RABGAP1: variants seen among roughly 807,000 people sequenced by gnomAD.
RABGAP1 encodes the protein RAB GTPase activating protein 1, also known as rab GTPase-activating protein 1.
RABGAP1 carries 23 observed loss-of-function variants against 137.6 expected under a neutral mutation model. The ratio of observed to expected loss-of-function variants is 0.17; its 90% CI spans 0.12 to 0.24. RABGAP1 has a LOEUF of 0.24. Among genes scored for constraint, RABGAP1 ranks in the 10% least tolerant of loss-of-function variants. RABGAP1 has a pLI of 1.00. For synonymous variants in RABGAP1, 451 were observed against 450.7 expected (o/e 1.00, Z -0.01); for missense variants, 906 against 1,275.8 (o/e 0.71, Z 4.42).
At chr9:122,967,482 A>G (rs529687293) in intron 2 of RABGAP1, among the ~76,000 whole-genome samples, 42 of 152,320 alleles carry the variant, frequency 2.8e-4, no homozygotes, top group Middle Eastern at 3.4e-3. Context: ...ATTAGGGAAA[A>G]GAGTCTCCTG....
intron 19 of RABGAP1, among the ~76,000 whole-genome samples, chr9:123,083,097 G>T (rs2132185830): frequency 6.6e-6 from 1 of 152,286 alleles, no homozygotes; most frequent in East Asian, 1.9e-4. Flanking sequence ...ATAGAGAATT[G>T]ATGTAAACTC....
At chr9:123,035,133 C>G in intron 13 of RABGAP1, 1 of 1,613,954 alleles carries the variant, frequency 6.2e-7, no homozygotes, top group Non-Finnish European at 8.5e-7. Flanking sequence ...ACACCGACTC[C>G]TACTTCACCC....
At chr9:122,951,944 CACTT>C (rs958911482) in intron 1 of RABGAP1, among the ~76,000 whole-genome samples, 2 of 152,256 alleles carry the variant, frequency 1.3e-5, no homozygotes, top group East Asian at 1.9e-4. Context: ...ATAGAATTGG[CACTT>C]ACGGCACAGA....
chr9:123,041,179 G>GT (rs2032934208), intron 13 of RABGAP1, among the ~76,000 whole-genome samples: 1 of 152,186 alleles, frequency 6.6e-6, no homozygotes, highest in African/African-American at 2.4e-5. Flanking sequence ...TTCCAACACT[G>GT]TAAGAGCTAG....
intron 17 of RABGAP1, 75 bp from the exon 18 acceptor site, chr9:123,076,170 T>C: frequency 7.1e-7 from 1 of 1,406,376 alleles, no homozygotes; most frequent in Non-Finnish European, 9.8e-7. Context: ...TTTAAAAATG[T>C]GGGGTATAAG....
intron 2 of RABGAP1, among the ~76,000 whole-genome samples, chr9:122,964,931 G>C (rs1352155840): frequency 6.6e-6 from 1 of 152,174 alleles, no homozygotes; most frequent in East Asian, 1.9e-4. Flanking sequence ...GAGAGGTCAA[G>C]GCTGCAGTGC....
intron 19 of RABGAP1, among the ~76,000 whole-genome samples, chr9:123,084,645 C>T (rs1335215936): frequency 6.6e-6 from 1 of 152,194 alleles, no homozygotes; most frequent in South Asian, 2.1e-4. Flanking sequence ...GTTTGCAGCA[C>T]ATGTTCAGAG....
In RABGAP1 at chr9:122,986,254, A is replaced by G. The variant is rs759503818; in HGVS notation, c.425A>G (p.Glu142Gly). ...AGTCCTTTCACACCAGTGGCCGATG[A>G]GGACAGCGTAGTTTTCAGTAAACTG... ...ASSPFTPVAD[E>G]DSVVFSKLTY... is the part of the protein sequence containing the mutation. Residue 142 changes from glutamate to glycine, a missense_variant, in exon 4 of 26, where the codon GAG (glutamate) becomes GGG (glycine). Glu to Gly is a moderately conservative substitution (Grantham distance 98). Around this residue, in one of 9 missense-constraint regions of RABGAP1, gnomAD observed 331 missense variants for 358.3 expected, o/e 0.92. Coordinates refer to ENST00000373647, the MANE Select transcript of RABGAP1 (RefSeq NM_012197.4). 76 of 1,614,058 alleles carry G rather than the reference A, an allele frequency of 4.7e-5. No homozygotes were observed. Among genetic ancestry groups the G allele is most frequent in the Non-Finnish European group, 5.6e-5 (66 of 1,180,020 alleles).
At chr9:122,933,123 T>C in the RABGAP1 span, among the ~76,000 whole-genome samples, 5 of 152,190 alleles carry the variant, frequency 3.3e-5, no homozygotes, top group African/African-American at 1.2e-4. Context: ...TTCCTCTATT[T>C]CCTCACTTAT....
intron 13 of RABGAP1, among the ~76,000 whole-genome samples, chr9:123,058,050 A>AGGGGAGAGGGGAGAG (rs1554725437): frequency 1.6e-4 from 22 of 136,836 alleles, no homozygotes; most frequent in Non-Finnish European, 3.2e-4. Context: ...GTGGAAAGAG[A>AGGGGAGAGGGGAGAG]GGGGAGAGGG....
At chr9:122,979,841 A>G (rs1453954388) in intron 2 of RABGAP1, among the ~76,000 whole-genome samples, 1 of 152,200 alleles carries the variant, frequency 6.6e-6, no homozygotes, top group Non-Finnish European at 1.5e-5. Context: ...CAATACCACA[A>G]TGTCTTCATT....
At chr9:123,067,264 G>A (rs2034206782) in intron 14 of RABGAP1, among the ~76,000 whole-genome samples, 1 of 152,182 alleles carries the variant, frequency 6.6e-6, no homozygotes, top group African/African-American at 2.4e-5. Flanking sequence ...AGATATGACT[G>A]ATGTCTCTCT....
chr9:122,951,530 C>T (rs975281431), intron 1 of RABGAP1, among the ~76,000 whole-genome samples: 1 of 151,872 alleles, frequency 6.6e-6, no homozygotes, highest in Non-Finnish European at 1.5e-5. Context: ...CCATTTCACT[C>T]TGTTAACTAC....
intron 14 of RABGAP1, among the ~76,000 whole-genome samples, chr9:123,068,884 A>G (rs2034267443): frequency 6.6e-6 from 1 of 152,254 alleles, no homozygotes; most frequent in South Asian, 2.1e-4. Flanking sequence ...TATATATTCT[A>G]AACATACCCA....
At chr9:122,997,943 A>G (rs1223321967) in intron 9 of RABGAP1, among the ~76,000 whole-genome samples, 1 of 152,222 alleles carries the variant, frequency 6.6e-6, no homozygotes, top group African/African-American at 2.4e-5. Flanking sequence ...AAATAGTTAA[A>G]GGATGTAAAC....
chr9:123,041,064 A>G (rs914649047), intron 13 of RABGAP1, among the ~76,000 whole-genome samples: 1 of 152,214 alleles, frequency 6.6e-6, no homozygotes, highest in African/African-American at 2.4e-5. Flanking sequence ...GGGTGGGCAC[A>G]TGTGTATGTG....
chr9:122,995,690 T>A (rs1836986940), intron 6 of RABGAP1, among the ~76,000 whole-genome samples: 1 of 150,102 alleles, frequency 6.7e-6, no homozygotes. Flanking sequence ...TGCCTCAGCC[T>A]CCCGAATAGC....
Position 122,957,202 on chromosome 9 carries a change from G to A in RABGAP1, c.143G>A (p.Gly48Glu). The change falls in exon 2 of 26, where the codon GGA becomes GAA. Residue 48 changes from glycine to glutamate, a missense_variant. Around this residue, in one of 9 missense-constraint regions of RABGAP1, gnomAD observed 331 missense variants for 358.3 expected, o/e 0.92. Coordinates refer to ENST00000373647, the MANE Select transcript of RABGAP1 (RefSeq NM_012197.4). ...TNNGSDDEKT[G>E]LKIVGNGSEQ... ...AATGGAAGTGATGATGAGAAAACAG[G>A]ACTCAAGGTAAAACTCCCTAACCTA... 4.6e-6 allele frequency: 7 copies of A among 1,527,830 alleles called. No individual in the cohort carries two copies. The highest frequency in any genetic ancestry group is 6.2e-6 in the Non-Finnish European group (7 of 1,122,020). The allele number at this position is 1,527,830 out of a possible 1,614,324, so 94.6% of individuals were successfully genotyped here.
intron 13 of RABGAP1, among the ~76,000 whole-genome samples, chr9:123,057,639 C>G (rs952528069): frequency 1.3e-5 from 2 of 152,206 alleles, no homozygotes; most frequent in African/African-American, 4.8e-5. Context: ...CTCCTCACTT[C>G]CCAGACAGGG....
Sources: gnomAD v4.1 joint callset for allele counts (sites outside exome capture counted in the v4.1 genomes callset) on GRCh38, gnomAD v4.1.1 for gene constraint, gnomAD v4.1.1 regional missense constraint, MANE v1.5 for transcripts, NCBI Gene and HGNC (gene_info 2026-07-23, HGNC 2026-07-21) for gene names.